Variants in HSD11B1 observed in about 807,000 individuals in gnomAD.
HSD11B1 encodes hydroxysteroid 11-beta dehydrogenase 1.
HSD11B1 carries 15 observed loss-of-function variants against 22.1 expected under a neutral mutation model. The ratio of observed to expected loss-of-function variants is 0.68; its 90% CI spans 0.45 to 1.04. The LOEUF (loss-of-function observed/expected upper bound fraction) is 1.04, where lower values mean the gene tolerates loss of function less well. Ranked by LOEUF, HSD11B1 falls within the 50% of genes least tolerant of loss-of-function variation. The pLI is 0.00. For synonymous variants in HSD11B1, 122 were observed against 125.2 expected (o/e 0.97, Z 0.17); for missense variants, 281 against 357.6 (o/e 0.79, Z 1.73).
chr1:209,734,674 C>G lies in HSD11B1; in HGVS notation c.*153C>G, dbSNP rs560347640. On this transcript the variant is annotated 3_prime_UTR_variant, in exon 6 of 6. Coordinates refer to ENST00000367027, the MANE Select transcript of HSD11B1 (RefSeq NM_005525.4). ...TGACAAATGGAAGGAGTTCCTCTAA[C>G]ATTTGCAAAATGGAAATGTAATAAT... 12 of 666,214 alleles carry G rather than the reference C, an allele frequency of 1.8e-5. No individual in the cohort carries two copies. In the East Asian group the frequency reaches 3.3e-4, roughly 18 times the overall value. The allele number at this position is 666,214 out of a possible 1,614,324, so 41.3% of individuals were successfully genotyped here. A position where few individuals can be genotyped will look rare whatever the true frequency, so the allele number is the denominator to read the frequency against.
chr1:209,732,087 A>C (rs1367702382), intron 4 of HSD11B1, among the ~76,000 whole-genome samples: 2 of 152,222 alleles, frequency 1.3e-5, no homozygotes, highest in African/African-American at 4.8e-5. Context: ...AAGTTGGCAG[A>C]GATAACTAGT....
At chr1:209,718,513 T>C (rs2102386311) in intron 4 of HSD11B1, among the ~76,000 whole-genome samples, 1 of 152,168 alleles carries the variant, frequency 6.6e-6, no homozygotes, top group South Asian at 2.1e-4. Context: ...GAAACTACAA[T>C]GAGATACCAC....
At chr1:209,710,945 A>C (rs536448445) in intron 4 of HSD11B1, among the ~76,000 whole-genome samples, 1 of 152,170 alleles carries the variant, frequency 6.6e-6, no homozygotes, top group Non-Finnish European at 1.5e-5. Flanking sequence ...GCATTGTTTC[A>C]TACTGTTTTT....
At chr1:209,687,534 AG>A (rs1283327453) in intron 1 of HSD11B1, among the ~76,000 whole-genome samples, 9 of 152,346 alleles carry the variant, frequency 5.9e-5, no homozygotes, top group Middle Eastern at 3.4e-3. Flanking sequence ...CAAATATTAA[AG>A]GTAATCTAAT....
At chr1:209,699,511 C>T (rs1260497839) in intron 1 of HSD11B1, among the ~76,000 whole-genome samples, 2 of 152,026 alleles carry the variant, frequency 1.3e-5, no homozygotes. Context: ...TCAATTACCT[C>T]CCCCAGGTAC....
chr1:209,687,182 C>T (rs561179983), intron 1 of HSD11B1, among the ~76,000 whole-genome samples: 7 of 152,324 alleles, frequency 4.6e-5, no homozygotes, highest in South Asian at 4.1e-4. Context: ...CTACAGACGA[C>T]GATGATGTGT....
At chr1:209,710,344 G>T (rs1347019489) in intron 4 of HSD11B1, among the ~76,000 whole-genome samples, 2 of 152,110 alleles carry the variant, frequency 1.3e-5, no homozygotes, top group Non-Finnish European at 2.9e-5. Context: ...AGCATCTAAG[G>T]CCATTTCTCC....
intron 1 of HSD11B1, among the ~76,000 whole-genome samples, chr1:209,689,371 T>C (rs575233541): frequency 3.8e-4 from 58 of 152,282 alleles, no homozygotes; most frequent in African/African-American, 1.4e-3. Flanking sequence ...TTCTGGATTA[T>C]CCTACAGTGA....
intron 1 of HSD11B1, chr1:209,686,416 T>C (rs1464284986): frequency 6.6e-6 from 1 of 152,106 alleles, no homozygotes; most frequent in East Asian, 1.9e-4. Flanking sequence ...AGGGCTGGGC[T>C]AAAGAAAAAT....
chr1:209,708,180 T>C (rs765231161), intron 4 of HSD11B1, among the ~76,000 whole-genome samples: 5 of 152,160 alleles, frequency 3.3e-5, no homozygotes, highest in Non-Finnish European at 5.9e-5. Context: ...ATTTTTATCA[T>C]AGATCCAGGA....
At position 209,706,264 on chromosome 1, in the gene HSD11B1, C is replaced by T. The variant is rs1447217338; in HGVS notation, c.219+323C>T. ...AACTACAGATACATACGGATGTTTT[C>T]AAAAACTGAAATCCCAGTACCTGCT... On this transcript the variant is annotated intron_variant, in intron 2 of 5. Coordinates refer to ENST00000367027, the MANE Select transcript of HSD11B1 (RefSeq NM_005525.4). This position sits in a 1 kb window ranked among gnomAD's most constrained non-coding sequence, Gnocchi z 4.0. Among the ~76,000 whole-genome samples the T allele has an allele frequency of 6.6e-6, 1 of 152,118 alleles. No individual in the cohort carries two copies. Among genetic ancestry groups the T allele is most frequent in the Non-Finnish European group, 1.5e-5 (1 of 68,016 alleles).
chr1:209,690,395 A>G (rs929011749), intron 1 of HSD11B1, among the ~76,000 whole-genome samples: 4 of 152,134 alleles, frequency 2.6e-5, no homozygotes, highest in Non-Finnish European at 4.4e-5. Flanking sequence ...GCAATTGGAC[A>G]TTTAAAAATT....
chr1:209,721,494 T>A lies in HSD11B1; in HGVS notation c.518-10942T>A, dbSNP rs115759297. Among the ~76,000 whole-genome samples, 1,026 of 135,872 alleles carry A rather than the reference T, an allele frequency of 7.6e-3. 10 individuals are homozygous for A. The highest frequency in any genetic ancestry group is 0.029 in the African/African-American group (941 of 32,128). 89.1% of individuals were successfully genotyped at this position (135,872 alleles called of 152,430 possible). A position where few individuals can be genotyped will look rare whatever the true frequency, so the allele number is the denominator to read the frequency against. Reference sequence around the variant, plus strand: ...CAAAAAAAAAAAAAAAAAATCCCCATCCTGGGAGTCTAGTGACTTGGAGGA... The same window carrying A: ...CAAAAAAAAAAAAAAAAAATCCCCAACCTGGGAGTCTAGTGACTTGGAGGA... On this transcript the variant is annotated intron_variant, in intron 4 of 5. Coordinates refer to ENST00000367027, the MANE Select transcript of HSD11B1 (RefSeq NM_005525.4).
intron 4 of HSD11B1, among the ~76,000 whole-genome samples, chr1:209,721,617 T>G (rs1193155042): frequency 1.3e-5 from 2 of 152,130 alleles, no homozygotes; most frequent in East Asian, 3.9e-4. Context: ...CAGTTCCCTT[T>G]GTGTGAGCAA....
At chr1:209,724,725 G>A (rs1015776403) in intron 4 of HSD11B1, among the ~76,000 whole-genome samples, 1 of 152,146 alleles carries the variant, frequency 6.6e-6, no homozygotes, top group Non-Finnish European at 1.5e-5. Flanking sequence ...CAGAACATAG[G>A]GGTTTCCTCA....
chr1:209,704,699 G>T, upstream of HSD11B1: 1 of 498,344 alleles, frequency 2.0e-6, no homozygotes, highest in South Asian at 2.1e-5. Flanking sequence ...CTTGCTCAAT[G>T]AAATGGAGTA....
intron 4 of HSD11B1, among the ~76,000 whole-genome samples, chr1:209,716,578 T>A: frequency 6.6e-6 from 1 of 151,346 alleles, no homozygotes; most frequent in Non-Finnish European, 1.5e-5. Context: ...AAAAAAAACC[T>A]AAAATTTGTA....
upstream of HSD11B1, among the ~76,000 whole-genome samples, chr1:209,700,054 C>A (rs774693000): frequency 6.6e-6 from 1 of 152,174 alleles, no homozygotes; most frequent in African/African-American, 2.4e-5. Flanking sequence ...TGAGTGTCTG[C>A]GGCTTTCCAA....
chr1:209,727,708 A>G (rs1352326019), intron 4 of HSD11B1, among the ~76,000 whole-genome samples: 1 of 152,182 alleles, frequency 6.6e-6, no homozygotes, highest in Admixed American at 6.5e-5. Flanking sequence ...AACTTTGAGC[A>G]TTTATCCTTT....
Sources: allele counts gnomAD v4.1 joint callset (sites outside exome capture counted in the v4.1 genomes callset), GRCh38; gene constraint gnomAD v4.1.1; non-coding constraint Gnocchi (gnomAD v3.1); transcripts MANE v1.5; gene names NCBI Gene and HGNC (gene_info 2026-07-23, HGNC 2026-07-21).